Variants in SGCZ observed in about 807,000 individuals in gnomAD.
The protein encoded by SGCZ is sarcoglycan zeta, also known as zeta-sarcoglycan.
SGCZ carries 40 observed loss-of-function variants against 41.3 expected under a neutral mutation model. That is an observed-to-expected ratio of 0.97 (90% CI 0.75 to 1.26). The LOEUF is 1.26. Ranked by LOEUF, SGCZ falls within the 50% of genes most tolerant of loss-of-function variation. SGCZ has a pLI of 0.00. For missense variants in SGCZ, 552 were observed against 369.8 expected (o/e 1.49, Z -4.04); for synonymous variants, 206 against 137.5 (o/e 1.50, Z -3.49).
chr8:14,299,089 G>A (rs1235430563), intron 3 of SGCZ, among the ~76,000 whole-genome samples: 1 of 151,958 alleles, frequency 6.6e-6, no homozygotes, highest in African/African-American at 2.4e-5. Flanking sequence ...ATTCAATGGA[G>A]AAAGAAAAGT....
intron 1 of SGCZ, among the ~76,000 whole-genome samples, chr8:15,218,376 G>A (rs1169025923): frequency 6.6e-6 from 1 of 152,154 alleles, no homozygotes; most frequent in Non-Finnish European, 1.5e-5. Flanking sequence ...TGTGAAATTA[G>A]GTTTTAATGC....
intron 2 of SGCZ, among the ~76,000 whole-genome samples, chr8:14,392,771 T>C (rs1371934163): frequency 6.6e-6 from 1 of 152,218 alleles, no homozygotes; most frequent in African/African-American, 2.4e-5. Context: ...ATCATTAATT[T>C]TTCTTTGGCT....
At chr8:14,365,850 G>T (rs1250829733) in intron 2 of SGCZ, among the ~76,000 whole-genome samples, 3 of 151,936 alleles carry the variant, frequency 2.0e-5, no homozygotes, top group African/African-American at 7.3e-5. Flanking sequence ...TTCTCTGTAT[G>T]ATTATATTGA....
intron 4 of SGCZ, among the ~76,000 whole-genome samples, chr8:14,176,382 A>C (rs1312757345): frequency 6.6e-6 from 1 of 152,210 alleles, no homozygotes; most frequent in Non-Finnish European, 1.5e-5. Flanking sequence ...TTATGTTTAT[A>C]ATTTAAAAAC....
chr8:14,884,820 T>A (rs558672182), intron 1 of SGCZ, among the ~76,000 whole-genome samples: 1 of 152,244 alleles, frequency 6.6e-6, no homozygotes, highest in East Asian at 1.9e-4. Context: ...TCTAGAGATA[T>A]CTCTTCTTAC....
At chr8:14,548,320 T>C (rs1160889700) in intron 2 of SGCZ, among the ~76,000 whole-genome samples, 2 of 152,144 alleles carry the variant, frequency 1.3e-5, no homozygotes, top group Non-Finnish European at 2.9e-5. Flanking sequence ...GACGAATTCT[T>C]GCAATCAACA....
chr8:14,769,793 TAAA>T (rs565416806), intron 1 of SGCZ, among the ~76,000 whole-genome samples: 13 of 52,194 alleles, frequency 2.5e-4, no homozygotes, highest in African/African-American at 1.5e-3. Context: ...AAAACACCAT[TAAA>T]AAAAAAAAAA....
chr8:14,101,523 T>A (rs1802020203), intron 7 of SGCZ, among the ~76,000 whole-genome samples: 1 of 152,230 alleles, frequency 6.6e-6, no homozygotes, highest in African/African-American at 2.4e-5. Context: ...CAAAGTATTA[T>A]TTAAAGCAGA....
At chr8:14,356,067 G>A (rs117301038) in intron 2 of SGCZ, among the ~76,000 whole-genome samples, 126 of 152,276 alleles carry the variant, frequency 8.3e-4, no homozygotes, top group Non-Finnish European at 1.6e-3. Flanking sequence ...GGCAGGGGCA[G>A]TGAGACCACA....
Position 15,199,995 on chromosome 8 carries a change from T to A in SGCZ, c.39+37590A>T, listed in dbSNP as rs753263617. Among the ~76,000 whole-genome samples, 86 of 152,328 alleles carry A rather than the reference T, an allele frequency of 5.6e-4. 1 individual carries two copies. The highest frequency in any genetic ancestry group is 3.4e-3 in the Middle Eastern group (1 of 294). ...GATAGCACCTTCAGATTACATGGCATATTTGTTGTGGTCTATACTTTCTTG... is the reference window on the plus strand; with the variant it reads ...GATAGCACCTTCAGATTACATGGCAAATTTGTTGTGGTCTATACTTTCTTG... On this transcript the variant is annotated intron_variant, in intron 1 of 7. Coordinates refer to ENST00000382080, the MANE Select transcript of SGCZ (RefSeq NM_139167.4).
chr8:14,427,686 C>G (rs1799826129), intron 2 of SGCZ, among the ~76,000 whole-genome samples: 1 of 152,080 alleles, frequency 6.6e-6, no homozygotes, highest in Non-Finnish European at 1.5e-5. Context: ...AGAAAGCTAT[C>G]TGCTTGGCAA....
intron 1 of SGCZ, among the ~76,000 whole-genome samples, chr8:15,097,735 AAT>A (rs1554455105): frequency 7.5e-6 from 1 of 133,352 alleles, no homozygotes; most frequent in Admixed American, 8.1e-5. Context: ...TAAAAAAAAA[AAT>A]ATATATATAT....
At chr8:14,367,732 C>A (rs1015918378) in intron 2 of SGCZ, among the ~76,000 whole-genome samples, 1 of 152,078 alleles carries the variant, frequency 6.6e-6, no homozygotes, top group Non-Finnish European at 1.5e-5. Flanking sequence ...GGGGAAACCA[C>A]CCCCATAAAC....
intron 1 of SGCZ, among the ~76,000 whole-genome samples, chr8:14,923,272 G>A (rs957815306): frequency 2.6e-5 from 4 of 152,104 alleles, no homozygotes; most frequent in African/African-American, 9.7e-5. Context: ...TGGAATGGTT[G>A]CTATTATCTA....
At chr8:14,774,215 C>T (rs181696301) in intron 1 of SGCZ, among the ~76,000 whole-genome samples, 1 of 152,302 alleles carries the variant, frequency 6.6e-6, no homozygotes, top group East Asian at 1.9e-4. Context: ...ACTGTGCAGC[C>T]TGAAGGCCTT....
intron 1 of SGCZ, among the ~76,000 whole-genome samples, chr8:14,847,424 T>C (rs1378106620): frequency 6.6e-6 from 1 of 151,836 alleles, no homozygotes; most frequent in African/African-American, 2.4e-5. Context: ...GATAACAATA[T>C]ATGAGTAAGT....
intron 3 of SGCZ, among the ~76,000 whole-genome samples, chr8:14,317,047 T>C (rs2117014156): frequency 6.6e-6 from 1 of 152,168 alleles, no homozygotes; most frequent in African/African-American, 2.4e-5. Context: ...ACTCTTCCTC[T>C]TAACATCCCA....
At chr8:14,116,749 T>C (rs1408219539) in intron 5 of SGCZ, among the ~76,000 whole-genome samples, 1 of 152,106 alleles carries the variant, frequency 6.6e-6, no homozygotes, top group Non-Finnish European at 1.5e-5. Context: ...CTCCATTTAC[T>C]TTCATTTGTT....
At chr8:14,642,818 A>T (rs973518798) in intron 1 of SGCZ, among the ~76,000 whole-genome samples, 1 of 151,572 alleles carries the variant, frequency 6.6e-6, no homozygotes, top group Non-Finnish European at 1.5e-5. Flanking sequence ...TTTTGTACTG[A>T]AACACAGCAT....
Sources: allele counts gnomAD v4.1 joint callset (sites outside exome capture counted in the v4.1 genomes callset), GRCh38; gene constraint gnomAD v4.1.1; transcripts MANE v1.5; gene names NCBI Gene and HGNC (gene_info 2026-07-23, HGNC 2026-07-21).